The following DLGAP2 variants were observed in gnomAD, a reference collection of about 807,000 sequenced individuals.
The protein encoded by DLGAP2 is disks large-associated protein 2.
A neutral mutation model predicts 100.3 loss-of-function variants in DLGAP2; 26 were observed. The ratio of observed to expected loss-of-function variants is 0.26; its 90% CI spans 0.19 to 0.36. The LOEUF is 0.36. Among genes scored for constraint, DLGAP2 ranks in the 10% least tolerant of loss-of-function variants. The pLI is 1.00. For synonymous variants in DLGAP2, 886 were observed against 630.1 expected (o/e 1.41, Z -6.08); for missense variants, 1,858 against 1,453.2 (o/e 1.28, Z -4.53).
chr8:1,654,260 A>T (rs1360101715), intron 8 of DLGAP2, among the ~76,000 whole-genome samples: 1 of 152,230 alleles, frequency 6.6e-6, no homozygotes, highest in Non-Finnish European at 1.5e-5. Flanking sequence ...ACAGCATCTC[A>T]AAAAACAGGC....
intron 2 of DLGAP2, among the ~76,000 whole-genome samples, chr8:1,170,675 G>T (rs1196512416): frequency 2.8e-5 from 4 of 145,150 alleles, no homozygotes; most frequent in Non-Finnish European, 4.6e-5. Flanking sequence ...TTGCGTAGAG[G>T]TGTTTGTAAT....
At chr8:1,419,680 T>G (rs1011077990) in intron 3 of DLGAP2, among the ~76,000 whole-genome samples, 4 of 152,176 alleles carry the variant, frequency 2.6e-5, no homozygotes, top group African/African-American at 7.2e-5. Flanking sequence ...CTCACTCCAG[T>G]TAGAATGGCG....
chr8:1,484,165 A>T (rs1162915330), intron 3 of DLGAP2, among the ~76,000 whole-genome samples: 2 of 152,226 alleles, frequency 1.3e-5, no homozygotes, highest in East Asian at 3.9e-4. Flanking sequence ...TCCAGGTGCC[A>T]AGGCCACAGC....
chr8:978,474 G>A (rs1334235330), intron 2 of DLGAP2, among the ~76,000 whole-genome samples: 8 of 73,208 alleles, frequency 1.1e-4, no homozygotes, highest in East Asian at 5.1e-4. Flanking sequence ...GGAGGGCGTC[G>A]GGGATGCAGT....
intron 2 of DLGAP2, among the ~76,000 whole-genome samples, chr8:1,135,743 A>G (rs1796396831): frequency 6.6e-6 from 1 of 152,090 alleles, no homozygotes; most frequent in African/African-American, 2.4e-5. Context: ...AAGCTTACCG[A>G]TGCAGAGGAT....
intron 1 of DLGAP2, among the ~76,000 whole-genome samples, chr8:779,959 G>C (rs1377744909): frequency 6.6e-6 from 1 of 152,124 alleles, no homozygotes; most frequent in African/African-American, 2.4e-5. Flanking sequence ...AGTCAAGCTA[G>C]CTAACTGACA....
intron 2 of DLGAP2, among the ~76,000 whole-genome samples, chr8:908,479 C>G (rs1391574040): frequency 6.6e-6 from 1 of 152,120 alleles, no homozygotes; most frequent in Non-Finnish European, 1.5e-5. Flanking sequence ...AGATGCATCT[C>G]TGTGTAATTT....
chr8:1,455,398 C>T lies in DLGAP2; in HGVS notation c.107-45968C>T, dbSNP rs373791729. On this transcript the variant is annotated intron_variant, in intron 3 of 14. Coordinates refer to ENST00000637795, the MANE Select transcript of DLGAP2 (RefSeq NM_001346810.2). ...CATGAGTCCCCCTGCCCCTCGGGGT[C>T]CCAGGGGGACCCTGGTCTGTCAGGA... 1.1e-3 allele frequency among the ~76,000 whole-genome samples: 171 copies of T among 152,350 alleles called. 1 individual carries two copies. The highest frequency in any genetic ancestry group is 3.8e-3 in the African/African-American group (160 of 41,602).
At chr8:1,496,228 G>A (rs1227395635) in intron 3 of DLGAP2, among the ~76,000 whole-genome samples, 5 of 152,016 alleles carry the variant, frequency 3.3e-5, no homozygotes, top group African/African-American at 1.2e-4. Flanking sequence ...TCATCACTCA[G>A]GAGAGCCCTG....
intron 1 of DLGAP2, among the ~76,000 whole-genome samples, chr8:788,021 G>T (rs1182637336): frequency 7.3e-6 from 1 of 136,570 alleles, no homozygotes; most frequent in Non-Finnish European, 1.6e-5. Context: ...CAGCAGCATG[G>T]TGGCCACAGG....
chr8:1,572,495 T>G (rs1238180045), intron 6 of DLGAP2, among the ~76,000 whole-genome samples: 18 of 80,262 alleles, frequency 2.2e-4, no homozygotes, highest in East Asian at 4.3e-4. Flanking sequence ...GGGTGAACTG[T>G]GGGGGCATCT....
At chr8:1,281,479 C>A (rs1445872359) in intron 3 of DLGAP2, among the ~76,000 whole-genome samples, 1 of 152,204 alleles carries the variant, frequency 6.6e-6, no homozygotes, top group African/African-American at 2.4e-5. Context: ...CCCCTGGGCA[C>A]AGGCTGAACA....
intron 6 of DLGAP2, among the ~76,000 whole-genome samples, chr8:1,574,789 C>G (rs1802893357): frequency 6.6e-6 from 1 of 152,338 alleles, no homozygotes; most frequent in East Asian, 1.9e-4. Context: ...TCAACCTGAT[C>G]ATTCCGGACA....
At chr8:1,263,213 G>C (rs1344636691) in intron 3 of DLGAP2, among the ~76,000 whole-genome samples, 3 of 152,136 alleles carry the variant, frequency 2.0e-5, no homozygotes, top group Admixed American at 2.0e-4. Context: ...GATTGTGATG[G>C]CAGAAATATA....
chr8:1,378,281 G>T (rs1796008314), intron 3 of DLGAP2, among the ~76,000 whole-genome samples: 1 of 148,018 alleles, frequency 6.8e-6, no homozygotes, highest in Non-Finnish European at 1.5e-5. Flanking sequence ...TGTCTGTCCT[G>T]CACACACCTG....
intron 1 of DLGAP2, among the ~76,000 whole-genome samples, chr8:792,740 G>C (rs1316260410): frequency 6.6e-6 from 1 of 152,166 alleles, no homozygotes; most frequent in Non-Finnish European, 1.5e-5. Context: ...TGTCTGATAG[G>C]AGTTCCCCCA....
chr8:1,503,494 G>C (rs911805759), intron 4 of DLGAP2, among the ~76,000 whole-genome samples: 1 of 152,120 alleles, frequency 6.6e-6, no homozygotes, highest in Admixed American at 6.5e-5. Context: ...CTTTGTGGAT[G>C]GACCACACTG....
intron 3 of DLGAP2, among the ~76,000 whole-genome samples, chr8:1,329,015 C>T (rs1307771116): frequency 6.6e-6 from 1 of 152,188 alleles, no homozygotes; most frequent in African/African-American, 2.4e-5. Context: ...AGGCAGAGTC[C>T]ACATGCTGGG....
At chr8:1,349,615 C>T (rs1458255660) in intron 3 of DLGAP2, among the ~76,000 whole-genome samples, 1 of 135,394 alleles carries the variant, frequency 7.4e-6, no homozygotes, top group Non-Finnish European at 1.6e-5. Flanking sequence ...CACATCCACG[C>T]ATGTCATGAG....
Sources: allele counts gnomAD v4.1 joint callset (sites outside exome capture counted in the v4.1 genomes callset), GRCh38; gene constraint gnomAD v4.1.1; transcripts MANE v1.5; gene names NCBI Gene and HGNC (gene_info 2026-07-23, HGNC 2026-07-21).